The following FLYWCH2 variants were observed in gnomAD, a reference collection of about 807,000 sequenced individuals.
FLYWCH2 encodes FLYWCH family member 2.
FLYWCH2 carries 2 observed loss-of-function variants against 6.0 expected under a neutral mutation model. The observed-to-expected ratio is 0.33, with a 90% CI of 0.14 to 1.04. The LOEUF is 1.04. Ranked by LOEUF, FLYWCH2 falls within the 50% of genes least tolerant of loss-of-function variation. FLYWCH2 has a pLI of 0.45. For missense variants in FLYWCH2, 192 were observed against 183.4 expected, an observed-to-expected ratio of 1.05 and a Z score of -0.27; for synonymous variants, 87 against 79.3, an observed-to-expected ratio of 1.10 and a Z score of -0.52.
chr16:2,891,234 G>A (rs2069753506), intron 1 of FLYWCH2, among the ~76,000 whole-genome samples: 1 of 152,146 alleles, frequency 6.6e-6, no homozygotes, highest in Non-Finnish European at 1.5e-5. Flanking sequence ...TGGGAAGGGA[G>A]GTTGTTGGGT....
At chr16:2,890,238 T>TTTTTTTTTTTTTTG (rs1567303880) in intron 1 of FLYWCH2, among the ~76,000 whole-genome samples, 1 of 128,182 alleles carries the variant, frequency 7.8e-6, no homozygotes, top group African/African-American at 2.9e-5. Context: ...GTTTTTTTTT[T>TTTTTTTTTTTTTTG]TTTGTTTTTG....
intron 3 of FLYWCH2, 82 bp downstream of exon 3, chr16:2,896,853 T>C (rs769625945): frequency 2.3e-6 from 3 of 1,308,256 alleles, no homozygotes; most frequent in African/African-American, 1.5e-5. Context: ...CATCAGGCGC[T>C]TCTCCCTGGC....
At chr16:2,892,337 A>G (rs1326636736) in intron 1 of FLYWCH2, among the ~76,000 whole-genome samples, 1 of 151,732 alleles carries the variant, frequency 6.6e-6, no homozygotes, top group Non-Finnish European at 1.5e-5. Context: ...TCCACTAAAA[A>G]TACAAAAAAT....
At chr16:2,884,901 G>A (rs1355626412) in intron 1 of FLYWCH2, among the ~76,000 whole-genome samples, 1 of 151,214 alleles carries the variant, frequency 6.6e-6, no homozygotes, top group Non-Finnish European at 1.5e-5. Context: ...AAAAAACTCC[G>A]GGTGATTCTT....
intron 1 of FLYWCH2, among the ~76,000 whole-genome samples, chr16:2,893,490 T>C (rs2069782177): frequency 6.6e-6 from 1 of 152,216 alleles, no homozygotes; most frequent in African/African-American, 2.4e-5. Flanking sequence ...ATTCCCTTCT[T>C]GTTACAGCTT....
At chr16:2,896,325 C>T in intron 2 of FLYWCH2, 27 bp from the exon 3 acceptor site, 1 of 1,280,368 alleles carries the variant, frequency 7.8e-7, no homozygotes, top group South Asian at 1.6e-5. Context: ...GCTTCCACCA[C>T]TGACGGGATT....
In FLYWCH2 at chr16:2,896,460, C is replaced by G. The variant is rs909379927; in HGVS notation, c.11C>G (p.Pro4Arg). The G allele has an allele frequency of 6.8e-6, 11 of 1,611,888 alleles. No individual in the cohort carries two copies. The highest frequency in any genetic ancestry group is 1.3e-5 in the African/African-American group (1 of 74,944). MPLPEPSEQEGESV... is the reference protein window; with the variant it reads MPLREPSEQEGESV... ...GCCCTGGGTCCCGGGATGCCCCTGC[C>G]CGAGCCCAGCGAGCAGGAGGGTGAG... The change falls in exon 3 of 4, where the codon CCC becomes CGC. Residue 4 changes from proline to arginine, a missense_variant. Physicochemically the swap from Pro to Arg is moderately radical, Grantham distance 103. Coordinates refer to ENST00000396958, the MANE Select transcript of FLYWCH2 (RefSeq NM_138439.3).
intron 1 of FLYWCH2, among the ~76,000 whole-genome samples, chr16:2,884,782 G>A (rs2069680104): frequency 6.6e-6 from 1 of 151,660 alleles, no homozygotes; most frequent in Non-Finnish European, 1.5e-5. Flanking sequence ...GCTGAGACAG[G>A]AGAAAGGCTT....
chr16:2,886,815 C>G (rs1407109052), intron 1 of FLYWCH2, among the ~76,000 whole-genome samples: 1 of 152,060 alleles, frequency 6.6e-6, no homozygotes, highest in Non-Finnish European at 1.5e-5. Flanking sequence ...GCCACCATGC[C>G]CAGCCGCCCA....
chr16:2,896,799 C>T, intron 3 of FLYWCH2, 28 bp downstream of exon 3: 2 of 1,591,918 alleles, frequency 1.3e-6, no homozygotes, highest in Non-Finnish European at 1.7e-6. Flanking sequence ...CCCCCCAGGA[C>T]AGCTCGGCAC....
At chr16:2,883,668 C>T (rs578023352) in intron 1 of FLYWCH2, among the ~76,000 whole-genome samples, 1 of 152,262 alleles carries the variant, frequency 6.6e-6, no homozygotes, top group Non-Finnish European at 1.5e-5. Context: ...CACCCCCCAA[C>T]CCCCGCCGGC....
chr16:2,891,723 A>G (rs970683702), intron 1 of FLYWCH2, among the ~76,000 whole-genome samples: 3 of 147,834 alleles, frequency 2.0e-5, no homozygotes, highest in Non-Finnish European at 4.4e-5. Flanking sequence ...TATTTTATTT[A>G]ATTTGTTTAT....
intron 1 of FLYWCH2, among the ~76,000 whole-genome samples, chr16:2,888,440 C>T (rs1596335942): frequency 7.7e-6 from 1 of 130,580 alleles, no homozygotes. Flanking sequence ...TTCTGGGTTC[C>T]TTGAATTTTC....
intron 1 of FLYWCH2, among the ~76,000 whole-genome samples, chr16:2,884,568 A>AAAAAAAACAAAAC (rs2069676229): frequency 1.4e-5 from 2 of 145,290 alleles, no homozygotes; most frequent in South Asian, 4.4e-4. Context: ...TAAAAAAAAA[A>AAAAAAAACAAAAC]AAAAAAAAAT....
At chr16:2,888,280 G>T (rs894214378) in intron 1 of FLYWCH2, among the ~76,000 whole-genome samples, 6 of 151,964 alleles carry the variant, frequency 3.9e-5, no homozygotes, top group Non-Finnish European at 8.8e-5. Context: ...AAAGTGCTGG[G>T]ATTACAGGCA....
intron 1 of FLYWCH2, among the ~76,000 whole-genome samples, chr16:2,887,809 C>G (rs778898216): frequency 4.6e-5 from 7 of 151,824 alleles, no homozygotes; most frequent in African/African-American, 9.7e-5. Flanking sequence ...TCAAGCGATC[C>G]TCCTACATCA....
chr16:2,884,566 A>AAAAAAAAAAAAAAG, intron 1 of FLYWCH2, among the ~76,000 whole-genome samples: 1 of 144,160 alleles, frequency 6.9e-6, no homozygotes, highest in Non-Finnish European at 1.5e-5. Flanking sequence ...ACTAAAAAAA[A>AAAAAAAAAAAAAAG]AAAAAAAAAA....
chr16:2,899,118 C>T lies in FLYWCH2; in HGVS notation c.392C>T (p.Pro131Leu), dbSNP rs1382315070. The T allele has an allele frequency of 6.2e-7, 1 of 1,613,656 alleles. No homozygotes were observed. The highest frequency in any genetic ancestry group is 1.1e-5 in the South Asian group (1 of 91,016). The change falls in exon 4 of 4, where the codon CCC (proline) becomes CTC (leucine). Residue 131 changes from proline to leucine, a missense_variant. Physicochemically the swap from Pro to Leu is moderately conservative, Grantham distance 98. Transcript: ENST00000396958. ...GAGGCTGCTGGGGAGAACTTTGCCCCCTGCTCTGTGGCGCCCGGCAAGTCC... is the reference window on the plus strand; with the variant it reads ...GAGGCTGCTGGGGAGAACTTTGCCCTCTGCTCTGTGGCGCCCGGCAAGTCC... ...PPEAAGENFA[P>L]CSVAPGKSL
chr16:2,894,248 G>T (rs1322435239), intron 1 of FLYWCH2, among the ~76,000 whole-genome samples: 3 of 152,118 alleles, frequency 2.0e-5, no homozygotes, highest in Non-Finnish European at 4.4e-5. Context: ...TGCACGCTGG[G>T]TATGCAAGAG....
Sources: gnomAD v4.1 joint callset for allele counts (sites outside exome capture counted in the v4.1 genomes callset) on GRCh38, gnomAD v4.1.1 for gene constraint, MANE v1.5 for transcripts, NCBI Gene and HGNC (gene_info 2026-07-23, HGNC 2026-07-21) for gene names.